The following RANBP10 variants were observed in gnomAD, a reference collection of about 807,000 sequenced individuals.
RANBP10 encodes the protein ran-binding protein 10.
RANBP10 carries 24 observed loss-of-function variants against 72.8 expected under a neutral mutation model. That is an observed-to-expected ratio of 0.33 (90% CI 0.24 to 0.46). RANBP10 has a LOEUF of 0.46. RANBP10 is among the 20% of genes least tolerant of loss of function. The probability of loss-of-function intolerance (pLI) is 1.00; values close to 1 mark genes in which losing one functional copy is unlikely to be tolerated. For synonymous variants in RANBP10, 310 were observed against 322.3 expected, an observed-to-expected ratio of 0.96 and a Z score of 0.41; for missense variants, 679 against 817.5, an observed-to-expected ratio of 0.83 and a Z score of 2.07.
Position 67,785,883 on chromosome 16 carries a change from G to A in RANBP10, c.348-13797C>T, listed in dbSNP as rs186577014. Among the ~76,000 whole-genome samples the A allele has an allele frequency of 1.9e-4, 28 of 150,644 alleles. 1 individual carries two copies. The East Asian group carries it at 4.3e-3, about 23-fold the overall frequency. The stretch of plus-strand genomic sequence containing the variant: ...CTACTAAAAATACAAAAAATTAGCC[G>A]AGCATGGTGGCAGGCGCCTGTAGTC... On this transcript the variant is annotated intron_variant, in intron 2 of 13. Coordinates refer to ENST00000317506, the MANE Select transcript of RANBP10 (RefSeq NM_020850.3).
chr16:67,758,645 ATC>A (rs568681125), intron 3 of RANBP10, among the ~76,000 whole-genome samples: 128 of 152,258 alleles, frequency 8.4e-4, no homozygotes, highest in Middle Eastern at 6.8e-3. Flanking sequence ...ACAATTGAGA[ATC>A]TCTGTTTTCA....
At position 67,764,469 on chromosome 16, in the gene RANBP10, A is replaced by G. The variant is rs1158868296; in HGVS notation, c.400+7565T>C. ...AGCCAGAACAGAGAAAAAAATAGTA[A>G]TAAAATGGCCATTGCCAGGCCATTT... is the stretch of plus-strand genomic sequence containing the variant. On this transcript the variant is annotated intron_variant, in intron 3 of 13. Transcript: ENST00000317506. 2.0e-5 allele frequency among the ~76,000 whole-genome samples: 3 copies of G among 152,328 alleles called. No homozygotes were observed. The South Asian group carries it at 6.2e-4, about 32-fold the overall frequency.
intron 2 of RANBP10, among the ~76,000 whole-genome samples, chr16:67,787,979 C>A (rs1283679440): frequency 1.3e-5 from 2 of 151,938 alleles, no homozygotes; most frequent in Non-Finnish European, 2.9e-5. Flanking sequence ...GCTGTGACTA[C>A]AGGCACATGC....
intron 2 of RANBP10, among the ~76,000 whole-genome samples, chr16:67,798,014 A>C (rs1597924727): frequency 6.7e-6 from 1 of 148,280 alleles, no homozygotes; most frequent in African/African-American, 2.5e-5. Flanking sequence ...AAAAAAAAGC[A>C]AAGAACAGTG....
At chr16:67,799,092 C>G (rs1422139868) in intron 2 of RANBP10, among the ~76,000 whole-genome samples, 2 of 151,154 alleles carry the variant, frequency 1.3e-5, no homozygotes, top group Non-Finnish European at 2.9e-5. Context: ...CTATTATTAG[C>G]GCCTGGCTAA....
chr16:67,734,769 G>C, intron 6 of RANBP10, 89 bp downstream of exon 6: 1 of 1,299,488 alleles, frequency 7.7e-7, no homozygotes, highest in Non-Finnish European at 1.0e-6. Flanking sequence ...GCTGGAATTT[G>C]TAAGAACAGC....
chr16:67,759,813 C>T (rs530413488), intron 3 of RANBP10: 98 of 152,404 alleles, frequency 6.4e-4, no homozygotes, highest in Non-Finnish European at 1.1e-3. Context: ...AACTCACCTA[C>T]GTCAGGGCCG....
Position 67,729,916 on chromosome 16 carries a change from G to C in RANBP10, c.998+22C>G. 1 of 1,613,712 alleles carries C rather than the reference G, an allele frequency of 6.2e-7. No individual in the cohort carries two copies. Among genetic ancestry groups the C allele is most frequent in the Non-Finnish European group, 8.5e-7 (1 of 1,179,938 alleles). On this transcript the variant is annotated intron_variant, in intron 8 of 13. Coordinates refer to ENST00000317506, the MANE Select transcript of RANBP10 (RefSeq NM_020850.3). The surrounding 1 kb of genome is among the most constrained non-coding windows in gnomAD (Gnocchi z 7.1). ...CTGAGAGGGGCTGGACTCTGGGGGAGCTGGGGGTGCCCAAGACTTACTTGA... is the reference window on the plus strand; with the variant it reads ...CTGAGAGGGGCTGGACTCTGGGGGACCTGGGGGTGCCCAAGACTTACTTGA...
At chr16:67,759,929 T>G (rs1391527752) in intron 3 of RANBP10, among the ~76,000 whole-genome samples, 1 of 151,692 alleles carries the variant, frequency 6.6e-6, no homozygotes, top group African/African-American at 2.4e-5. Context: ...TGAAACCCCA[T>G]CTCTACTAAA....
At chr16:67,752,937 G>A (rs2054223042) in intron 3 of RANBP10, among the ~76,000 whole-genome samples, 1 of 152,126 alleles carries the variant, frequency 6.6e-6, no homozygotes, top group African/African-American at 2.4e-5. Flanking sequence ...GATCAAGTAT[G>A]CTCTAAAGAA....
Position 67,727,310 on chromosome 16 carries a change from T to TAAA in RANBP10, c.1732+14_1732+16dup, listed in dbSNP as rs777303086. 1.9e-6 allele frequency: 3 copies of TAAA among 1,594,684 alleles called. No homozygotes were observed. The African/African-American group carries it at 4.1e-5, about 22-fold the overall frequency. On this transcript the variant is annotated intron_variant, in intron 13 of 13. Transcript: ENST00000317506. ...CAGACTCTGTCTCTAATAATAATAA[T>TAAA]AAATAGATTCACTCACCTAAAATGG...
intron 3 of RANBP10, among the ~76,000 whole-genome samples, chr16:67,763,738 A>G (rs985134681): frequency 2.0e-5 from 3 of 152,212 alleles, no homozygotes; most frequent in Non-Finnish European, 4.4e-5. Flanking sequence ...TCTGTTGCCC[A>G]GGCTGGAGTG....
chr16:67,750,553 CT>C (rs1377098509), intron 3 of RANBP10, among the ~76,000 whole-genome samples: 1 of 152,124 alleles, frequency 6.6e-6, no homozygotes, highest in Non-Finnish European at 1.5e-5. Flanking sequence ...AGGAAAGTTC[CT>C]CCAGTGCCCA....
intron 3 of RANBP10, among the ~76,000 whole-genome samples, chr16:67,757,405 G>T (rs1428302943): frequency 2.0e-5 from 3 of 152,170 alleles, no homozygotes; most frequent in African/African-American, 7.2e-5. Context: ...GCGCCAGGCA[G>T]GGTTCAACAG....
intron 2 of RANBP10, among the ~76,000 whole-genome samples, chr16:67,780,786 GA>G (rs1452810820): frequency 2.6e-5 from 4 of 152,192 alleles, no homozygotes; most frequent in Admixed American, 6.5e-5. Context: ...AGAAGCCCAA[GA>G]CACTGCCCAG....
intron 6 of RANBP10, among the ~76,000 whole-genome samples, chr16:67,733,957 G>A (rs1342005990): frequency 6.6e-6 from 1 of 152,114 alleles, no homozygotes; most frequent in Non-Finnish European, 1.5e-5. Context: ...GCGCTGTCCT[G>A]GCCATCCAAG....
intron 2 of RANBP10, among the ~76,000 whole-genome samples, chr16:67,774,564 C>T (rs1411538905): frequency 1.3e-5 from 2 of 152,154 alleles, no homozygotes; most frequent in Non-Finnish European, 2.9e-5. Flanking sequence ...ACCCCTGCCT[C>T]GACTTGAGAA....
intron 2 of RANBP10, among the ~76,000 whole-genome samples, chr16:67,778,180 T>C (rs1355832999): frequency 1.3e-5 from 2 of 152,078 alleles, no homozygotes; most frequent in Non-Finnish European, 2.9e-5. Context: ...AGAAACCCCG[T>C]CGCTACTAAA....
At chr16:67,756,786 C>G (rs1333655373) in intron 3 of RANBP10, among the ~76,000 whole-genome samples, 2 of 152,200 alleles carry the variant, frequency 1.3e-5, no homozygotes, top group African/African-American at 4.8e-5. Context: ...CTCTTCCCAA[C>G]AAATGGGTCC....
Sources: allele counts gnomAD v4.1 joint callset (sites outside exome capture counted in the v4.1 genomes callset), GRCh38; gene constraint gnomAD v4.1.1; non-coding constraint Gnocchi (gnomAD v3.1); transcripts MANE v1.5; gene names NCBI Gene and HGNC (gene_info 2026-07-23, HGNC 2026-07-21).